NFIA: variants seen among roughly 807,000 people sequenced by gnomAD.
NFIA encodes nuclear factor I A.
A neutral mutation model predicts 62.8 loss-of-function variants in NFIA; 8 were observed. That is an observed-to-expected ratio of 0.13 (90% confidence interval 0.07 to 0.23). The LOEUF (loss-of-function observed/expected upper bound fraction) is 0.23, where lower values mean the gene tolerates loss of function less well. Ranked by LOEUF, NFIA falls within the 10% of genes least tolerant of loss-of-function variation. NFIA has a pLI of 1.00. For missense variants in NFIA, 410 were observed against 642.1 expected (o/e 0.64, Z 3.91); for synonymous variants, 235 against 238.1 (o/e 0.99, Z 0.12).
chr1:61,112,735 A>T (rs1016494267), intron 2 of NFIA, among the ~76,000 whole-genome samples: 21 of 152,208 alleles, frequency 1.4e-4, no homozygotes, highest in African/African-American at 5.1e-4. Context: ...AATTAGAGAC[A>T]TGTTTGCATA....
intron 2 of NFIA, among the ~76,000 whole-genome samples, chr1:61,096,693 C>G (rs1317196714): frequency 6.6e-6 from 1 of 151,600 alleles, no homozygotes. Context: ...GCTGGGATTA[C>G]AGGCTCCCAC....
At chr1:61,264,759 G>A (rs1000847231) in intron 2 of NFIA, among the ~76,000 whole-genome samples, 3 of 151,702 alleles carry the variant, frequency 2.0e-5, no homozygotes, top group Non-Finnish European at 4.4e-5. Context: ...TTTAATTTTG[G>A]GATTATTACT....
At chr1:61,385,011 C>G (rs1292285906) in intron 7 of NFIA, among the ~76,000 whole-genome samples, 1 of 152,090 alleles carries the variant, frequency 6.6e-6, no homozygotes. Flanking sequence ...GCGGGCAGAT[C>G]ACTTGAGCTC....
intron 2 of NFIA, among the ~76,000 whole-genome samples, chr1:61,128,903 A>G (rs951796441): frequency 7.3e-6 from 1 of 136,652 alleles, no homozygotes; most frequent in Non-Finnish European, 1.6e-5. Flanking sequence ...GCCAATGGTG[A>G]TGCTTACTTA....
chr1:61,390,377 A>T (rs1459510984), intron 7 of NFIA, among the ~76,000 whole-genome samples: 1 of 152,108 alleles, frequency 6.6e-6, no homozygotes, highest in African/African-American at 2.4e-5. Context: ...AATTGCCTGG[A>T]TTCTGAAAAT....
intron 4 of NFIA, among the ~76,000 whole-genome samples, chr1:61,349,005 G>A (rs1330976116): frequency 6.6e-6 from 1 of 152,136 alleles, no homozygotes; most frequent in Non-Finnish European, 1.5e-5. Context: ...AAGGCACAAA[G>A]CATTAAGTAC....
chr1:61,455,171 C>A (rs1387013772), intron 10 of NFIA, 132 bp from the exon 11 acceptor site: 1 of 783,948 alleles, frequency 1.3e-6, no homozygotes, highest in Non-Finnish European at 2.1e-6. Flanking sequence ...GTCTGTCGTG[C>A]CTTTACTTTT....
intron 2 of NFIA, among the ~76,000 whole-genome samples, chr1:61,164,681 C>G (rs1309496024): frequency 6.6e-6 from 1 of 152,068 alleles, no homozygotes; most frequent in East Asian, 1.9e-4. Context: ...AGGATGGTCT[C>G]AATCTCCTGA....
At chr1:61,205,059 T>G (rs537259806) in intron 2 of NFIA, among the ~76,000 whole-genome samples, 1 of 152,322 alleles carries the variant, frequency 6.6e-6, no homozygotes, top group East Asian at 1.9e-4. Context: ...TAAATTCATT[T>G]TCACTATCAA....
At chr1:61,284,560 A>G (rs761056357) in intron 3 of NFIA, among the ~76,000 whole-genome samples, 4 of 149,640 alleles carry the variant, frequency 2.7e-5, no homozygotes, top group Non-Finnish European at 4.4e-5. Context: ...CGCCTTTTCA[A>G]CTGAAAAATG....
chr1:61,391,701 G>A (rs1052872566), intron 7 of NFIA, among the ~76,000 whole-genome samples: 16 of 152,272 alleles, frequency 1.1e-4, no homozygotes, highest in Middle Eastern at 3.4e-3. Flanking sequence ...GTCCCCTGGC[G>A]TTTCACTACT....
chr1:61,274,964 T>C (rs1200171154), intron 2 of NFIA, among the ~76,000 whole-genome samples: 1 of 152,172 alleles, frequency 6.6e-6, no homozygotes, highest in Non-Finnish European at 1.5e-5. Flanking sequence ...AAAATAATTA[T>C]TGAAGTTTTG....
intron 2 of NFIA, among the ~76,000 whole-genome samples, chr1:61,176,962 T>C (rs781292724): frequency 4.0e-5 from 6 of 151,894 alleles, no homozygotes; most frequent in Non-Finnish European, 7.4e-5. Flanking sequence ...AAAAATTAGC[T>C]GGGCATGGTG....
chr1:61,379,627 C>T (rs1283007990), intron 6 of NFIA, among the ~76,000 whole-genome samples: 2 of 151,674 alleles, frequency 1.3e-5, no homozygotes, highest in African/African-American at 4.8e-5. Flanking sequence ...AGGATGGTCT[C>T]GATCTCTTGA....
intron 2 of NFIA, among the ~76,000 whole-genome samples, chr1:61,201,017 G>C (rs1399383163): frequency 6.6e-6 from 1 of 151,468 alleles, no homozygotes; most frequent in African/African-American, 2.4e-5. Flanking sequence ...ACACAGCAAA[G>C]TGTAAAAGGG....
At position 61,137,286 on chromosome 1, in the gene NFIA, A is replaced by G. The variant is rs147803568; in HGVS notation, c.559+48606A>G. On this transcript the variant is annotated intron_variant, in intron 2 of 10. Coordinates refer to ENST00000403491, the MANE Select transcript of NFIA (RefSeq NM_001134673.4). ...ACCATCTCATTTAATATTGATAACA[A>G]CTCCACAAGGTAGTTATTACTGACC... Among the ~76,000 whole-genome samples the G allele has an allele frequency of 1.2e-4, 18 of 152,214 alleles. 1 individual carries two copies. The East Asian group carries it at 2.5e-3, about 21-fold the overall frequency.
rs188487291 is a variant in NFIA, at chr1:61,155,864, C to T, written c.559+67184C>T. Reference sequence around the variant, plus strand: ...AAGAATTAAAAACCTTGGCTGGGCGCGGTGGCTCACGCCTGTAATCGCAGC... The same window carrying T: ...AAGAATTAAAAACCTTGGCTGGGCGTGGTGGCTCACGCCTGTAATCGCAGC... On this transcript the variant is annotated intron_variant, in intron 2 of 10. Transcript: ENST00000403491. Among the ~76,000 whole-genome samples, 51 of 152,096 alleles carry T rather than the reference C, an allele frequency of 3.4e-4. 1 individual carries two copies. The East Asian group carries it at 5.8e-3, about 17-fold the overall frequency.
intron 2 of NFIA, among the ~76,000 whole-genome samples, chr1:61,190,356 G>T (rs1651533918): frequency 6.6e-6 from 1 of 152,152 alleles, no homozygotes; most frequent in African/African-American, 2.4e-5. Flanking sequence ...TATTATTTCT[G>T]TGCTACCAAC....
At chr1:61,084,377 G>A (rs1326721967) in intron 1 of NFIA, among the ~76,000 whole-genome samples, 1 of 151,764 alleles carries the variant, frequency 6.6e-6, no homozygotes, top group African/African-American at 2.4e-5. Flanking sequence ...TGGGATTTAG[G>A]CCTAGCATTA....
Sources: gnomAD v4.1 joint callset for allele counts (sites outside exome capture counted in the v4.1 genomes callset) on GRCh38, gnomAD v4.1.1 for gene constraint, MANE v1.5 for transcripts, NCBI Gene and HGNC (gene_info 2026-07-23, HGNC 2026-07-21) for gene names.